The following FRMD4B variants were observed in gnomAD, a reference collection of about 807,000 sequenced individuals.
The protein encoded by FRMD4B is FERM domain containing 4B.
Under a neutral mutation model 141.5 loss-of-function variants are expected in FRMD4B, and 74 were observed. The ratio of observed to expected loss-of-function variants is 0.52; its 90% CI spans 0.43 to 0.63. The LOEUF (loss-of-function observed/expected upper bound fraction) is 0.63. Among genes scored for constraint, FRMD4B ranks in the 30% least tolerant of loss-of-function variants. The pLI, the probability that FRMD4B is intolerant of heterozygous loss-of-function variation, is 0.00. For missense variants in FRMD4B, 1,366 were observed against 1,253.4 expected (o/e 1.09, Z -1.36); for synonymous variants, 506 against 467.9 (o/e 1.08, Z -1.05).
At chr3:69,523,546 G>A (rs2107136549) in intron 1 of FRMD4B, among the ~76,000 whole-genome samples, 1 of 152,248 alleles carries the variant, frequency 6.6e-6, no homozygotes, top group South Asian at 2.1e-4. Context: ...CATGGTATCT[G>A]TGTTCTAAAC....
At chr3:69,242,310 T>C (rs1324584687) in intron 7 of FRMD4B, among the ~76,000 whole-genome samples, 1 of 151,950 alleles carries the variant, frequency 6.6e-6, no homozygotes, top group Non-Finnish European at 1.5e-5. Flanking sequence ...ATTTTTATTA[T>C]TATCATTGAC....
At chr3:69,473,265 A>G (rs1268862922) in intron 1 of FRMD4B, among the ~76,000 whole-genome samples, 1 of 152,082 alleles carries the variant, frequency 6.6e-6, no homozygotes, top group Non-Finnish European at 1.5e-5. Flanking sequence ...TGGGCTTGAC[A>G]AGGGTGAGGT....
intron 1 of FRMD4B, among the ~76,000 whole-genome samples, chr3:69,449,168 A>T (rs1705454615): frequency 6.6e-6 from 1 of 152,188 alleles, no homozygotes; most frequent in South Asian, 2.1e-4. Context: ...AACCAACTTA[A>T]TAAGATACCA....
chr3:69,256,893 A>G (rs1204343160), intron 5 of FRMD4B, among the ~76,000 whole-genome samples: 1 of 152,212 alleles, frequency 6.6e-6, no homozygotes, highest in Admixed American at 6.5e-5. Flanking sequence ...GGATGGTCTC[A>G]GTGATATAAT....
intron 5 of FRMD4B, among the ~76,000 whole-genome samples, chr3:69,266,075 A>C (rs2093560365): frequency 6.6e-6 from 1 of 151,852 alleles, no homozygotes; most frequent in Admixed American, 6.6e-5. Context: ...GATGGCATGC[A>C]CCTGTAGTCC....
intron 5 of FRMD4B, 41 bp downstream of exon 5, chr3:69,287,711 C>T: frequency 2.0e-6 from 2 of 1,000,532 alleles, no homozygotes; most frequent in South Asian, 2.6e-5. Flanking sequence ...ATCCCAGTCG[C>T]TCTGGAGGCA....
intron 5 of FRMD4B, among the ~76,000 whole-genome samples, chr3:69,250,701 G>A (rs577048353): frequency 1.4e-4 from 21 of 151,018 alleles, no homozygotes; most frequent in Non-Finnish European, 2.4e-4. Flanking sequence ...ATTGAAGTTC[G>A]AGGAACTCTA....
intron 7 of FRMD4B, among the ~76,000 whole-genome samples, chr3:69,239,720 T>A (rs1575645904): frequency 6.6e-6 from 1 of 151,478 alleles, no homozygotes; most frequent in South Asian, 2.1e-4. Flanking sequence ...GGGTGCAGAG[T>A]TTCTGTTTTT....
chr3:69,273,834 T>C (rs1045802229), intron 5 of FRMD4B, among the ~76,000 whole-genome samples: 1 of 149,666 alleles, frequency 6.7e-6, no homozygotes, highest in Non-Finnish European at 1.5e-5. Context: ...TTCAACATAA[T>C]AGGAAGAATT....
chr3:69,336,802 G>A (rs1310340282), intron 1 of FRMD4B, among the ~76,000 whole-genome samples: 1 of 152,092 alleles, frequency 6.6e-6, no homozygotes, highest in East Asian at 1.9e-4. Context: ...AAATTAGCTG[G>A]GCATGGTGGC....
chr3:69,325,192 G>A (rs1391866598), intron 1 of FRMD4B, among the ~76,000 whole-genome samples: 1 of 152,200 alleles, frequency 6.6e-6, no homozygotes, highest in East Asian at 1.9e-4. Context: ...GCTCCCAGTA[G>A]AGACTGGAGG....
At chr3:69,282,765 GTAGGTGGAATTACA>G (rs2093649977) in intron 5 of FRMD4B, among the ~76,000 whole-genome samples, 2 of 152,046 alleles carry the variant, frequency 1.3e-5, no homozygotes, top group South Asian at 4.1e-4. Flanking sequence ...AGCCTCCGGA[GTAGGTGGAATTACA>G]GGCGCCCACC....
At chr3:69,246,075 G>T (rs888569699) in intron 7 of FRMD4B, among the ~76,000 whole-genome samples, 2 of 152,120 alleles carry the variant, frequency 1.3e-5, no homozygotes, top group African/African-American at 4.8e-5. Context: ...GACCTCAGGT[G>T]ATCCACCTGC....
At chr3:69,369,372 G>T (rs1195432380) in intron 1 of FRMD4B, among the ~76,000 whole-genome samples, 3 of 152,086 alleles carry the variant, frequency 2.0e-5, no homozygotes, top group Non-Finnish European at 2.9e-5. Context: ...AAGAAAAAAG[G>T]GTAGAAAGAA....
chr3:69,384,720 A>AG (rs1704206444), intron 1 of FRMD4B, among the ~76,000 whole-genome samples: 1 of 152,254 alleles, frequency 6.6e-6, no homozygotes, highest in African/African-American at 2.4e-5. Flanking sequence ...TATTTTAACA[A>AG]GGGTGACAAG....
intron 7 of FRMD4B, among the ~76,000 whole-genome samples, chr3:69,229,798 C>A (rs751824013): frequency 1.3e-5 from 2 of 152,046 alleles, no homozygotes; most frequent in Non-Finnish European, 2.9e-5. Context: ...AACAAGGACC[C>A]GGGTTCAAAT....
intron 1 of FRMD4B, among the ~76,000 whole-genome samples, chr3:69,320,473 G>T (rs1420893983): frequency 6.6e-6 from 1 of 151,858 alleles, no homozygotes; most frequent in Admixed American, 6.6e-5. Flanking sequence ...TGTGCCTGTA[G>T]TCCCAGCTAC....
intron 17 of FRMD4B, among the ~76,000 whole-genome samples, chr3:69,190,762 C>T (rs2092826728): frequency 6.6e-6 from 1 of 152,196 alleles, no homozygotes. Context: ...ACATTTTGAA[C>T]TGGATAATCC....
At chr3:69,206,781 C>G (rs9848667) in intron 11 of FRMD4B, among the ~76,000 whole-genome samples, 1 of 151,830 alleles carries the variant, frequency 6.6e-6, no homozygotes, top group Non-Finnish European at 1.5e-5. Context: ...GGGATTGTGG[C>G]TTTTTCCTTA....
Sources: allele counts gnomAD v4.1 joint callset (sites outside exome capture counted in the v4.1 genomes callset), GRCh38; gene constraint gnomAD v4.1.1; transcripts MANE v1.5; gene names NCBI Gene and HGNC (gene_info 2026-07-23, HGNC 2026-07-21).